Variants in ROBO1 observed in about 807,000 individuals in gnomAD.
The protein encoded by ROBO1 is roundabout homolog 1.
A neutral mutation model predicts 195.9 loss-of-function variants in ROBO1; 149 were observed. That is an observed-to-expected ratio of 0.76 (90% CI 0.67 to 0.87). The LOEUF (loss-of-function observed/expected upper bound fraction) is 0.87, where lower values mean the gene tolerates loss of function less well. Among genes scored for constraint, ROBO1 ranks in the 40% least tolerant of loss-of-function variants. The probability of loss-of-function intolerance (pLI) is 0.00; values close to 1 mark genes in which losing one functional copy is unlikely to be tolerated. For missense variants in ROBO1, 1,933 were observed against 2,068.3 expected, an observed-to-expected ratio of 0.93 and a Z score of 1.27; for synonymous variants, 816 against 733.2, an observed-to-expected ratio of 1.11 and a Z score of -1.82.
intron 1 of ROBO1, among the ~76,000 whole-genome samples, chr3:79,643,987 C>A (rs1279310256): frequency 6.6e-6 from 1 of 152,092 alleles, no homozygotes; most frequent in Non-Finnish European, 1.5e-5. Context: ...CCTACGAAGA[C>A]ACTTATAGAC....
chr3:78,834,960 G>C (rs113551585), intron 4 of ROBO1, among the ~76,000 whole-genome samples: 1 of 152,104 alleles, frequency 6.6e-6, no homozygotes, highest in South Asian at 2.1e-4. Context: ...AAAAAGTGTA[G>C]AGTCCAACTT....
At chr3:79,233,851 G>GT (rs1235758305) in intron 2 of ROBO1, among the ~76,000 whole-genome samples, 3 of 151,988 alleles carry the variant, frequency 2.0e-5, no homozygotes, top group Admixed American at 1.3e-4. Context: ...ACAGCAACTT[G>GT]TTTTTTGACT....
intron 3 of ROBO1, among the ~76,000 whole-genome samples, chr3:78,949,687 T>C (rs1576454507): frequency 6.6e-6 from 1 of 152,068 alleles, no homozygotes; most frequent in African/African-American, 2.4e-5. Context: ...AAAGAGCTTC[T>C]GCACAGCAAA....
At chr3:78,769,242 C>G (rs2108414172) in intron 4 of ROBO1, among the ~76,000 whole-genome samples, 1 of 152,136 alleles carries the variant, frequency 6.6e-6, no homozygotes, top group African/African-American at 2.4e-5. Flanking sequence ...TTTGGGAGCT[C>G]CAGTGTTAGG....
intron 2 of ROBO1, among the ~76,000 whole-genome samples, chr3:79,584,229 T>C (rs1282891738): frequency 6.8e-6 from 1 of 147,490 alleles, no homozygotes; most frequent in Non-Finnish European, 1.5e-5. Context: ...TAGATATACA[T>C]GCATATGTTA....
At chr3:79,693,377 A>G (rs1947349926) in intron 1 of ROBO1, among the ~76,000 whole-genome samples, 1 of 136,986 alleles carries the variant, frequency 7.3e-6, no homozygotes, top group Non-Finnish European at 1.5e-5. Context: ...ATCAATATAT[A>G]GAGATTTGTG....
At chr3:78,887,970 G>T (rs934459255) in intron 4 of ROBO1, among the ~76,000 whole-genome samples, 4 of 152,058 alleles carry the variant, frequency 2.6e-5, no homozygotes, top group Non-Finnish European at 5.9e-5. Context: ...AACCTTTCCA[G>T]AAAGCATTTG....
chr3:78,690,481 T>C (rs1379576355), intron 8 of ROBO1, among the ~76,000 whole-genome samples: 2 of 152,052 alleles, frequency 1.3e-5, no homozygotes, highest in South Asian at 2.1e-4. Flanking sequence ...GTGATTGTAA[T>C]TGAATGGCTT....
chr3:79,704,249 A>G (rs1017915256), intron 1 of ROBO1, among the ~76,000 whole-genome samples: 19 of 151,938 alleles, frequency 1.3e-4, no homozygotes, highest in African/African-American at 4.3e-4. Context: ...GTTATATATT[A>G]TATTTTAGAC....
At chr3:78,740,502 A>G (rs556720470) in intron 5 of ROBO1, among the ~76,000 whole-genome samples, 54 of 134,668 alleles carry the variant, frequency 4.0e-4, no homozygotes, top group Non-Finnish European at 4.0e-4. Flanking sequence ...ACAGGGTTTC[A>G]CTCTTGTTGC....
intron 1 of ROBO1, among the ~76,000 whole-genome samples, chr3:79,763,595 C>T (rs1033822466): frequency 3.9e-5 from 6 of 152,110 alleles, no homozygotes; most frequent in Non-Finnish European, 8.8e-5. Flanking sequence ...GAACAACTGG[C>T]TGAAACTGAC....
intron 3 of ROBO1, among the ~76,000 whole-genome samples, chr3:78,982,377 G>C (rs147636845): frequency 6.6e-6 from 1 of 152,070 alleles, no homozygotes; most frequent in Non-Finnish European, 1.5e-5. Flanking sequence ...GTTAATTACA[G>C]TGAAGCTTCA....
At chr3:79,484,400 T>C (rs1443240297) in intron 2 of ROBO1, among the ~76,000 whole-genome samples, 1 of 152,168 alleles carries the variant, frequency 6.6e-6, no homozygotes, top group Non-Finnish European at 1.5e-5. Context: ...AAGATGCTAT[T>C]TATTCTTGTA....
intron 2 of ROBO1, among the ~76,000 whole-genome samples, chr3:79,171,030 T>C (rs1274178683): frequency 6.6e-6 from 1 of 151,790 alleles, no homozygotes; most frequent in Non-Finnish European, 1.5e-5. Flanking sequence ...TTTGAGTTAG[T>C]TCTTAAATTC....
chr3:78,870,456 G>A (rs2035479186), intron 4 of ROBO1, among the ~76,000 whole-genome samples: 2 of 152,128 alleles, frequency 1.3e-5, no homozygotes, highest in Non-Finnish European at 2.9e-5. Flanking sequence ...TTCTCACACA[G>A]TATTCTCAGA....
rs78377649 is a variant in ROBO1 at position 79,360,771 on chromosome 3, C to T, written c.88+229053G>A. Among the ~76,000 whole-genome samples the T allele has an allele frequency of 8.5e-4, 129 of 152,160 alleles. 2 individuals are homozygous for T. In the East Asian group the frequency reaches 0.021, roughly 25 times the overall value. On this transcript the variant is annotated intron_variant, in intron 2 of 30. Coordinates refer to ENST00000464233, the MANE Select transcript of ROBO1 (RefSeq NM_002941.4). ...CATGGAGGAGCTGAGAGCAAATTCACAAAGCTGGCTCCATATTCCAAAGTG... is the reference window on the plus strand; with the variant it reads ...CATGGAGGAGCTGAGAGCAAATTCATAAAGCTGGCTCCATATTCCAAAGTG...
rs202168479 is a variant in ROBO1 at position 79,135,428 on chromosome 3, G to GA, written c.89-9890dup. ...ACAATATCAGCTATGAAGCCTTTCT[G>GA]AAAAAAAAATTGTTGATTGTTCAAT... is the stretch of plus-strand genomic sequence containing the variant. On this transcript the variant is annotated intron_variant, in intron 2 of 30. Transcript: ENST00000464233. Among the ~76,000 whole-genome samples, 607 of 150,846 alleles carry GA rather than the reference G, an allele frequency of 4.0e-3. 6 individuals carry two copies. The highest frequency in any genetic ancestry group is 0.013 in the African/African-American group (550 of 41,144).
chr3:78,992,842 G>C (rs959299359), intron 3 of ROBO1, among the ~76,000 whole-genome samples: 5 of 152,136 alleles, frequency 3.3e-5, no homozygotes, highest in African/African-American at 1.2e-4. Context: ...GTGTTTTCCA[G>C]AGCAACAAAA....
chr3:79,688,631 T>C (rs1003602101), intron 1 of ROBO1, among the ~76,000 whole-genome samples: 22 of 152,224 alleles, frequency 1.4e-4, no homozygotes, highest in Middle Eastern at 3.4e-3. Context: ...TTTCGCATGT[T>C]ATTTTTAAGT....
Sources: gnomAD v4.1 joint callset for allele counts (sites outside exome capture counted in the v4.1 genomes callset) on GRCh38, gnomAD v4.1.1 for gene constraint, MANE v1.5 for transcripts, NCBI Gene and HGNC (gene_info 2026-07-23, HGNC 2026-07-21) for gene names.